MED13: variants seen among roughly 807,000 people sequenced by gnomAD.
MED13 encodes the protein mediator complex subunit 13, also known as mediator of RNA polymerase II transcription subunit 13.
MED13 carries 23 observed loss-of-function variants against 225.2 expected under a neutral mutation model. The observed-to-expected ratio is 0.10, with a 90% CI of 0.07 to 0.14. The LOEUF (loss-of-function observed/expected upper bound fraction) is 0.14, where lower values mean the gene tolerates loss of function less well. MED13 is among the 10% of genes least tolerant of loss of function. MED13 has a pLI of 1.00. For synonymous variants in MED13, 942 were observed against 889.2 expected (o/e 1.06, Z -1.06); for missense variants, 2,197 against 2,594.5 (o/e 0.85, Z 3.33).
chr17:62,023,329 G>GA (rs1171045080), intron 8 of MED13, among the ~76,000 whole-genome samples: 1 of 152,108 alleles, frequency 6.6e-6, no homozygotes, highest in East Asian at 1.9e-4. Context: ...CAAAACAGAG[G>GA]AAAGTGAGGA....
intron 16 of MED13, among the ~76,000 whole-genome samples, chr17:61,976,954 C>A (rs2080162193): frequency 6.6e-6 from 1 of 151,890 alleles, no homozygotes; most frequent in South Asian, 2.1e-4. Context: ...ACAAAAAAAA[C>A]AGAAAAAATA....
In MED13 at chr17:62,029,905, T is replaced by C. The variant is rs1367702706; in HGVS notation, c.1118A>G (p.Asn373Ser). The C allele has an allele frequency of 1.2e-6, 2 of 1,614,048 alleles. No homozygotes were observed. The change falls in exon 7 of 30, where the codon AAT (asparagine) becomes AGT (serine). Residue 373 changes from asparagine (N) to serine (S), a missense_variant. Coordinates refer to ENST00000397786, the MANE Select transcript of MED13 (RefSeq NM_005121.3). ...HGGKIPRKLA[N>S]HVVDRVWQEC... Reference sequence around the variant, plus strand: ...TTGCCAAACTCTATCCACCACATGATTTGCTAATTTTCTGGGTATTTTCCC... The same window carrying C: ...TTGCCAAACTCTATCCACCACATGACTTGCTAATTTTCTGGGTATTTTCCC...
chr17:61,983,202 T>A, intron 15 of MED13, 88 bp from the exon 16 acceptor site: 2 of 1,056,722 alleles, frequency 1.9e-6, no homozygotes, highest in Non-Finnish European at 2.6e-6. Context: ...GTCCCAAATG[T>A]TTTTCAATTA....
chr17:61,949,712 G>A (rs2079881030), intron 28 of MED13, among the ~76,000 whole-genome samples: 1 of 152,000 alleles, frequency 6.6e-6, no homozygotes, highest in African/African-American at 2.4e-5. Context: ...TTTTGAGATG[G>A]AATCTCACTC....
At chr17:61,999,177 T>C (rs917790599) in intron 9 of MED13, among the ~76,000 whole-genome samples, 2 of 152,174 alleles carry the variant, frequency 1.3e-5, no homozygotes, top group South Asian at 2.1e-4. Flanking sequence ...ACTATATACA[T>C]ACAAATCTGG....
intron 27 of MED13, among the ~76,000 whole-genome samples, chr17:61,952,647 G>A (rs924714221): frequency 1.3e-5 from 2 of 152,170 alleles, no homozygotes; most frequent in African/African-American, 4.8e-5. Flanking sequence ...AGGAAAAATA[G>A]TATTGCATTT....
intron 15 of MED13, among the ~76,000 whole-genome samples, chr17:61,983,721 C>T (rs1371327549): frequency 2.7e-5 from 4 of 148,898 alleles, no homozygotes; most frequent in South Asian, 2.2e-4. Flanking sequence ...TTTATCCATA[C>T]CCAATTAACC....
In MED13 at chr17:61,961,063, G is replaced by A. The variant is rs763796274; in HGVS notation, c.5284C>T (p.Pro1762Ser). The change falls in exon 23 of 30, where the codon CCT becomes TCT. Residue 1762 changes from proline to serine, a missense_variant. This residue lies in a region of MED13 where 457 missense variants were observed against 442.2 expected (regional missense o/e 1.03). Transcript: ENST00000397786. ...TTCACTGGAGCCAGAATAAAAGGAG[G>A]TGCATAAAGTCGAATACACTCTGGT... Reference protein sequence around the residue: ...DRPECIRLYAPPFILAPVKDK... With the variant: ...DRPECIRLYASPFILAPVKDK... The A allele has an allele frequency of 1.9e-6, 3 of 1,613,752 alleles. No homozygotes were observed. Among genetic ancestry groups the A allele is most frequent in the Non-Finnish European group, 2.5e-6 (3 of 1,179,910 alleles).
chr17:62,019,833 T>C (rs1158126852), intron 8 of MED13, among the ~76,000 whole-genome samples: 1 of 151,936 alleles, frequency 6.6e-6, no homozygotes, highest in Non-Finnish European at 1.5e-5. Context: ...AAGCTCTGCC[T>C]GCCAGGTTCA....
chr17:62,011,418 C>A (rs2080507982), intron 8 of MED13, among the ~76,000 whole-genome samples, 185 bp from the exon 9 acceptor site: 1 of 152,058 alleles, frequency 6.6e-6, no homozygotes, highest in Non-Finnish European at 1.5e-5. Context: ...AATATAAGGG[C>A]ATGCAGAAAC....
At chr17:62,035,325 GA>G in intron 4 of MED13, 137 bp downstream of exon 4, 1 of 813,834 alleles carries the variant, frequency 1.2e-6, no homozygotes, top group Non-Finnish European at 1.8e-6. Context: ...AATGGGGAAG[GA>G]AAAAGTAAAT....
chr17:62,046,193 T>G (rs998509283), intron 3 of MED13, among the ~76,000 whole-genome samples: 2 of 152,220 alleles, frequency 1.3e-5, no homozygotes, highest in Non-Finnish European at 2.9e-5. Context: ...ATCATTCCAC[T>G]GAATTCAACA....
At position 61,969,227 on chromosome 17, in the gene MED13, T is replaced by C. The variant is rs992615519; in HGVS notation, c.3968-969A>G. Among the ~76,000 whole-genome samples, 5 of 152,160 alleles carry C rather than the reference T, an allele frequency of 3.3e-5. No homozygotes were observed. The East Asian group carries it at 9.6e-4, about 29-fold the overall frequency. ...AAAATTAGCCGGGCATGGTGGTGCA[T>C]GCCTGTAATCCCAGCTACTCAGGAG... On this transcript the variant is annotated intron_variant, in intron 17 of 29. Coordinates refer to ENST00000397786, the MANE Select transcript of MED13 (RefSeq NM_005121.3).
chr17:62,041,400 C>T (rs538763053), intron 3 of MED13, among the ~76,000 whole-genome samples: 1 of 222 alleles, frequency 4.5e-3, no homozygotes, highest in East Asian at 0.062. Context: ...AATTGAAGAG[C>T]TGCCACTCAT....
At chr17:61,961,893 T>A in intron 21 of MED13, 114 bp from the exon 22 acceptor site, 1 of 993,488 alleles carries the variant, frequency 1.0e-6, no homozygotes, top group Non-Finnish European at 1.5e-6. Flanking sequence ...AAACCTAATT[T>A]AAATGAAAAT....
chr17:61,973,429 A>C (rs2080126387), intron 16 of MED13, among the ~76,000 whole-genome samples: 1 of 152,172 alleles, frequency 6.6e-6, no homozygotes, highest in Non-Finnish European at 1.5e-5. Context: ...AAGCTTATAC[A>C]TCTTAAATAT....
rs746485967 is a variant in MED13 at position 61,966,624 on chromosome 17, C to A, written c.4219G>T (p.Val1407Phe). 1.7e-5 allele frequency: 27 copies of A among 1,612,758 alleles called. No individual in the cohort carries two copies. Among genetic ancestry groups the A allele is most frequent in the Non-Finnish European group, 2.0e-5 (24 of 1,179,558 alleles). ...ESCRLGQHRP[V>F]SRLLTDGIMR... is the part of the protein sequence containing the mutation. The stretch of plus-strand genomic sequence containing the variant: ...ATCCCATCTGTTAACAGTCGAGAAA[C>A]AGGTCTATGTTGACCTAATCGACAG... Residue 1407 changes from valine to phenylalanine, a missense_variant, in exon 19 of 30, where the codon GTT becomes TTT. Transcript: ENST00000397786.
At chr17:61,987,974 C>G (rs577154025) in intron 11 of MED13, among the ~76,000 whole-genome samples, 15 of 151,916 alleles carry the variant, frequency 9.9e-5, no homozygotes, top group African/African-American at 3.4e-4. Context: ...AGCTTCTGGG[C>G]TCAAGCAATC....
rs1324419439 is a variant in MED13 at position 61,953,128 on chromosome 17, GA to G, written c.5969-16del. 1 of 1,602,310 alleles carries G rather than the reference GA, an allele frequency of 6.2e-7. No individual in the cohort carries two copies. The highest frequency in any genetic ancestry group is 1.8e-5 in the Admixed American group (1 of 57,036). ...ATCTGCTCCATCTAAACAGGAGAAA[GA>G]AAAGAAATTTAAAACTCCATTTTCC... On this transcript the variant is annotated splice_polypyrimidine_tract_variant and intron_variant, in intron 26 of 29. Transcript: ENST00000397786.
Sources: allele counts gnomAD v4.1 joint callset (sites outside exome capture counted in the v4.1 genomes callset), GRCh38; gene constraint gnomAD v4.1.1; regional missense constraint gnomAD v4.1.1; transcripts MANE v1.5; gene names NCBI Gene and HGNC (gene_info 2026-07-23, HGNC 2026-07-21).